Variants in SINHCAF observed in about 807,000 individuals in gnomAD.
SINHCAF encodes SIN3-HDAC complex associated factor.
In SINHCAF, 3 loss-of-function variants were observed where a neutral mutation model predicts 25.8. The ratio of observed to expected loss-of-function variants is 0.12; its 90% CI spans 0.05 to 0.30. The LOEUF is 0.30. SINHCAF is among the 10% of genes least tolerant of loss of function. SINHCAF has a pLI of 1.00. For missense variants in SINHCAF, 121 were observed against 262.3 expected (o/e 0.46, Z 3.72); for synonymous variants, 70 against 85.5 (o/e 0.82, Z 1.00).
rs201782194 is a variant in SINHCAF, at chr12:31,293,149, ACC to A, written c.355+654_355+655del. ...GTTTGGTTCAATAATGCTCCTTCAA[ACC>A]CCAAGGGTAATAGAGATATTTATTA... On this transcript the variant is annotated intron_variant, in intron 4 of 5. Coordinates refer to ENST00000337682, the MANE Select transcript of SINHCAF (RefSeq NM_001135812.2). Among the ~76,000 whole-genome samples, 153 of 152,268 alleles carry A rather than the reference ACC, an allele frequency of 1.0e-3. 2 individuals carry two copies. Among genetic ancestry groups the A allele is most frequent in the Admixed American group, 8.2e-3 (125 of 15,284 alleles).
intron 2 of SINHCAF, among the ~76,000 whole-genome samples, chr12:31,296,113 T>TA (rs1938538856): frequency 6.6e-6 from 1 of 152,200 alleles, no homozygotes; most frequent in South Asian, 2.1e-4. Context: ...ATCACGGTTT[T>TA]AAACATTGCT....
intron 1 of SINHCAF, among the ~76,000 whole-genome samples, chr12:31,317,969 G>A (rs1482760723): frequency 6.6e-6 from 1 of 152,202 alleles, no homozygotes; most frequent in Non-Finnish European, 1.5e-5. Flanking sequence ...ATGATGATGG[G>A]AAAGGAAAAG....
At chr12:31,315,464 T>C (rs1939462365) in intron 1 of SINHCAF, among the ~76,000 whole-genome samples, 3 of 152,252 alleles carry the variant, frequency 2.0e-5, no homozygotes, top group Admixed American at 2.0e-4. Flanking sequence ...TGCAGCCATC[T>C]TGGACCAGTT....
chr12:31,293,690 A>T, intron 4 of SINHCAF, 115 bp downstream of exon 4: 1 of 869,480 alleles, frequency 1.2e-6, no homozygotes, highest in Non-Finnish European at 1.7e-6. Context: ...GTTGCCTTCC[A>T]GTGCTCTTTA....
chr12:31,323,851 C>T, intron 1 of SINHCAF: 2 of 434,444 alleles, frequency 4.6e-6, no homozygotes, highest in Admixed American at 2.4e-5. Context: ...CGGGCCACAG[C>T]TCGGCTGGGG....
intron 3 of SINHCAF, 36 bp from the exon 4 acceptor site, chr12:31,293,967 A>T (rs755825899): frequency 1.4e-5 from 21 of 1,542,076 alleles, no homozygotes; most frequent in African/African-American, 5.6e-5. Flanking sequence ...TAATATTTTT[A>T]AAATGACACC....
chr12:31,319,587 T>G (rs1236290370), intron 1 of SINHCAF, among the ~76,000 whole-genome samples: 5 of 152,180 alleles, frequency 3.3e-5, no homozygotes, highest in African/African-American at 2.4e-5. Context: ...CAACACAACA[T>G]CAACACAAAG....
intron 1 of SINHCAF, among the ~76,000 whole-genome samples, chr12:31,311,149 G>A: frequency 6.6e-6 from 1 of 152,150 alleles, no homozygotes; most frequent in Middle Eastern, 3.4e-3. Flanking sequence ...CGTAATCTAT[G>A]ATCTTTTGAA....
rs78932916 is a variant in SINHCAF, at chr12:31,317,544, T to C, written c.-21+8480A>G. 6.2e-4 allele frequency among the ~76,000 whole-genome samples: 94 copies of C among 152,106 alleles called. 1 individual carries two copies. In the East Asian group the frequency reaches 0.017, roughly 27 times the overall value. The stretch of plus-strand genomic sequence containing the variant: ...TTCTTTTTAAATTGGTTCTTAAAAA[T>C]AGTAAATAGTGGTTGCCTCTGAGGA... On this transcript the variant is annotated intron_variant, in intron 1 of 5. Transcript: ENST00000337682.
chr12:31,309,662 T>C (rs1158716196), intron 1 of SINHCAF, among the ~76,000 whole-genome samples: 1 of 146,590 alleles, frequency 6.8e-6, no homozygotes, highest in Non-Finnish European at 1.5e-5. Context: ...CATCAACTTG[T>C]GATTTTTTTT....
At chr12:31,307,488 A>G (rs970754200) in intron 1 of SINHCAF, among the ~76,000 whole-genome samples, 3 of 152,102 alleles carry the variant, frequency 2.0e-5, no homozygotes, top group Non-Finnish European at 4.4e-5. Flanking sequence ...CCAGGAGGTC[A>G]AGGCAGCAGT....
intron 1 of SINHCAF, among the ~76,000 whole-genome samples, chr12:31,309,294 G>T (rs1939164546): frequency 6.6e-6 from 1 of 152,152 alleles, no homozygotes; most frequent in African/African-American, 2.4e-5. Context: ...TCCTTGACAA[G>T]GAAAATGGGG....
At chr12:31,286,662 C>CAAAAAAA in intron 5 of SINHCAF, among the ~76,000 whole-genome samples, 1 of 55,218 alleles carries the variant, frequency 1.8e-5, no homozygotes. Context: ...AACTCCGTCT[C>CAAAAAAA]AAAAAAAAAA....
At chr12:31,319,808 G>C (rs532594893) in intron 1 of SINHCAF, among the ~76,000 whole-genome samples, 5 of 152,062 alleles carry the variant, frequency 3.3e-5, no homozygotes, top group African/African-American at 1.2e-4. Context: ...GATAAATATG[G>C]CCAACTGACC....
At chr12:31,290,303 A>G (rs575765090) in intron 4 of SINHCAF, among the ~76,000 whole-genome samples, 81 of 152,004 alleles carry the variant, frequency 5.3e-4, no homozygotes, top group Non-Finnish European at 1.0e-3. Context: ...TACCACACCC[A>G]ACTAATTTTT....
chr12:31,295,429 G>C, intron 2 of SINHCAF, 96 bp from the exon 3 acceptor site: 1 of 751,858 alleles, frequency 1.3e-6, no homozygotes, highest in Non-Finnish European at 2.3e-6. Context: ...ATCTATGTAT[G>C]GTTTATAGAT....
chr12:31,290,367 C>T (rs909408359), intron 4 of SINHCAF, among the ~76,000 whole-genome samples: 1 of 152,152 alleles, frequency 6.6e-6, no homozygotes, highest in Non-Finnish European at 1.5e-5. Flanking sequence ...GTCTTGAACT[C>T]CTGGCCTCCC....
intron 2 of SINHCAF, among the ~76,000 whole-genome samples, chr12:31,295,958 A>G (rs1219241635): frequency 1.3e-5 from 2 of 152,014 alleles, no homozygotes; most frequent in Non-Finnish European, 2.9e-5. Flanking sequence ...AGGTGGGAAG[A>G]TCACTTGAGT....
intron 2 of SINHCAF, 34 bp from the exon 3 acceptor site, chr12:31,295,367 C>A (rs943297619): frequency 1.4e-6 from 2 of 1,387,168 alleles, no homozygotes; most frequent in Admixed American, 3.6e-5. Flanking sequence ...TTATCAGTCT[C>A]CCTTACCTTA....
Sources: allele counts gnomAD v4.1 joint callset (sites outside exome capture counted in the v4.1 genomes callset), GRCh38; gene constraint gnomAD v4.1.1; transcripts MANE v1.5; gene names NCBI Gene and HGNC (gene_info 2026-07-23, HGNC 2026-07-21).